EPHA3: variants seen among roughly 807,000 people sequenced by gnomAD.
The protein encoded by EPHA3 is EPH receptor A3.
A neutral mutation model predicts 107.1 loss-of-function variants in EPHA3; 42 were observed. The observed-to-expected ratio is 0.39, with a 90% CI of 0.31 to 0.51. The LOEUF (loss-of-function observed/expected upper bound fraction) is 0.51, where lower values mean the gene tolerates loss of function less well. Among genes scored for constraint, EPHA3 ranks in the 20% least tolerant of loss-of-function variants. The pLI, the probability that EPHA3 is intolerant of heterozygous loss-of-function variation, is 0.78. For synonymous variants in EPHA3, 461 were observed against 424.8 expected (o/e 1.09, Z -1.05); for missense variants, 1,183 against 1,211.2 (o/e 0.98, Z 0.35).
intron 3 of EPHA3, among the ~76,000 whole-genome samples, chr3:89,328,177 G>A (rs767435487): frequency 6.6e-6 from 1 of 152,024 alleles, no homozygotes; most frequent in Non-Finnish European, 1.5e-5. Flanking sequence ...TCTGTCAGAC[G>A]TTAAGCACAC....
chr3:89,304,893 A>G (rs1460736668), intron 3 of EPHA3, among the ~76,000 whole-genome samples: 1 of 152,186 alleles, frequency 6.6e-6, no homozygotes, highest in African/African-American at 2.4e-5. Flanking sequence ...CACAATTGCC[A>G]TTCAATACAT....
At chr3:89,434,375 G>A (rs1304197872) in intron 13 of EPHA3, among the ~76,000 whole-genome samples, 3 of 152,028 alleles carry the variant, frequency 2.0e-5, no homozygotes, top group Non-Finnish European at 2.9e-5. Context: ...TTGCCACCAC[G>A]CCTGGCTAAT....
chr3:89,279,424 A>C (rs915976424), intron 3 of EPHA3, among the ~76,000 whole-genome samples: 1 of 152,178 alleles, frequency 6.6e-6, no homozygotes, highest in African/African-American at 2.4e-5. Context: ...GCCATCATTA[A>C]TTAATTTTAA....
chr3:89,399,591 G>A (rs1169742894), intron 7 of EPHA3, 111 bp downstream of exon 7: 13 of 1,483,386 alleles, frequency 8.8e-6, no homozygotes, highest in Admixed American at 2.1e-5. Flanking sequence ...TACATTTAAG[G>A]TATATTGCTT....
chr3:89,399,533 A>C, intron 7 of EPHA3, 53 bp downstream of exon 7: 1 of 1,597,458 alleles, frequency 6.3e-7, no homozygotes, highest in Non-Finnish European at 8.6e-7. Flanking sequence ...CTTGCAAAAG[A>C]TGTCTGATCG....
intron 3 of EPHA3, among the ~76,000 whole-genome samples, chr3:89,321,123 T>C (rs868111798): frequency 2.0e-5 from 3 of 152,010 alleles, no homozygotes; most frequent in Non-Finnish European, 4.4e-5. Context: ...CAAAAGTACA[T>C]GCATCCCTTG....
At chr3:89,153,475 C>A (rs1704731186) in intron 2 of EPHA3, among the ~76,000 whole-genome samples, 1 of 152,062 alleles carries the variant, frequency 6.6e-6, no homozygotes, top group African/African-American at 2.4e-5. Context: ...ATTTCTCCTG[C>A]AGTCTTCCTC....
intron 15 of EPHA3, among the ~76,000 whole-genome samples, chr3:89,468,383 G>T (rs1186182949): frequency 6.6e-6 from 1 of 151,930 alleles, no homozygotes; most frequent in Admixed American, 6.6e-5. Context: ...CTAAACTCTT[G>T]TTGAGTCTGG....
At chr3:89,209,791 A>T in intron 2 of EPHA3, 69 bp from the exon 3 acceptor site, 2 of 1,313,924 alleles carry the variant, frequency 1.5e-6, no homozygotes, top group Non-Finnish European at 1.0e-6. Context: ...GATGGCTCTG[A>T]CACCCTTATG....
chr3:89,166,094 C>T (rs1453304512), intron 2 of EPHA3, among the ~76,000 whole-genome samples: 8 of 152,190 alleles, frequency 5.3e-5, no homozygotes, highest in Non-Finnish European at 8.8e-5. Context: ...CGGCTCTTCA[C>T]TGCATGAGAT....
intron 1 of EPHA3, among the ~76,000 whole-genome samples, chr3:89,115,148 T>C (rs1485990409): frequency 6.6e-6 from 1 of 152,214 alleles, no homozygotes; most frequent in African/African-American, 2.4e-5. Context: ...ATACGCCCTG[T>C]TGTGCAGCTT....
chr3:89,107,696 A>T lies in EPHA3; in HGVS notation c.-53A>T, dbSNP rs2106931750. On this transcript the variant is annotated 5_prime_UTR_variant, in exon 1 of 17. Coordinates refer to ENST00000336596, the MANE Select transcript of EPHA3 (RefSeq NM_005233.6). ...CAATCAGAGCGCTCCCCCTCACATC[A>T]GTGGCATGCTTCATGGAGATATGCT... 6.6e-7 allele frequency: 1 copy of T among 1,518,352 alleles called. No homozygotes were observed. The highest frequency in any genetic ancestry group is 1.1e-5 in the South Asian group (1 of 88,888). The allele number at this position is 1,518,352 out of a possible 1,614,324, so 94.1% of individuals were successfully genotyped here. A position where few individuals can be genotyped will look rare whatever the true frequency, so the allele number is the denominator to read the frequency against.
intron 3 of EPHA3, among the ~76,000 whole-genome samples, chr3:89,224,577 G>A (rs1367336241): frequency 1.3e-5 from 2 of 152,030 alleles, no homozygotes; most frequent in African/African-American, 2.4e-5. Flanking sequence ...GGTCAGACAC[G>A]GTGGCTCATA....
At chr3:89,184,896 A>AATCTT (rs1705528753) in intron 2 of EPHA3, among the ~76,000 whole-genome samples, 1 of 152,164 alleles carries the variant, frequency 6.6e-6, no homozygotes, top group Admixed American at 6.6e-5. Flanking sequence ...AGTGCTCCCA[A>AATCTT]ATCTTGTGTC....
intron 3 of EPHA3, among the ~76,000 whole-genome samples, chr3:89,256,629 G>T (rs1705292789): frequency 6.6e-6 from 1 of 151,928 alleles, no homozygotes; most frequent in Non-Finnish European, 1.5e-5. Flanking sequence ...CTATGGTCTA[G>T]TCCTCTAAGT....
intron 1 of EPHA3, among the ~76,000 whole-genome samples, chr3:89,116,346 G>A (rs1168793033): frequency 6.6e-6 from 1 of 152,010 alleles, no homozygotes; most frequent in African/African-American, 2.4e-5. Context: ...GTCAGTAATA[G>A]GAGAAAATAG....
At chr3:89,154,957 ATAATTC>A (rs1704767763) in intron 2 of EPHA3, among the ~76,000 whole-genome samples, 1 of 149,750 alleles carries the variant, frequency 6.7e-6, no homozygotes, top group Admixed American at 6.7e-5. Flanking sequence ...CATTAGAAAC[ATAATTC>A]TGTTTAAAAG....
At chr3:89,376,054 A>C (rs1280675194) in intron 5 of EPHA3, among the ~76,000 whole-genome samples, 2 of 151,946 alleles carry the variant, frequency 1.3e-5, no homozygotes, top group East Asian at 3.9e-4. Flanking sequence ...TCATTTTATG[A>C]TATTTACTTT....
chr3:89,409,221 C>A (rs1576363986), intron 9 of EPHA3, among the ~76,000 whole-genome samples: 1 of 152,168 alleles, frequency 6.6e-6, no homozygotes, highest in South Asian at 2.1e-4. Context: ...ATCAACATCA[C>A]ATCAGTCCAG....
Sources: gnomAD v4.1 joint callset for allele counts (sites outside exome capture counted in the v4.1 genomes callset) on GRCh38, gnomAD v4.1.1 for gene constraint, MANE v1.5 for transcripts, NCBI Gene and HGNC (gene_info 2026-07-23, HGNC 2026-07-21) for gene names.